INO80: variants seen among roughly 807,000 people sequenced by gnomAD.
INO80 encodes the protein INO80 complex ATPase subunit.
A neutral mutation model predicts 203.4 loss-of-function variants in INO80; 20 were observed. That is an observed-to-expected ratio of 0.10 (90% CI 0.07 to 0.14). INO80 has a LOEUF of 0.14. Ranked by LOEUF, INO80 falls within the 10% of genes least tolerant of loss-of-function variation. The pLI is 1.00. For synonymous variants in INO80, 726 were observed against 685.2 expected (o/e 1.06, Z -0.93); for missense variants, 1,419 against 1,914.4 (o/e 0.74, Z 4.83).
intron 28 of INO80, among the ~76,000 whole-genome samples, chr15:41,002,229 G>C (rs1441333917): frequency 6.6e-6 from 1 of 152,128 alleles, no homozygotes; most frequent in East Asian, 1.9e-4. Flanking sequence ...AGAGTCTGAA[G>C]GCTCAAGCAA....
chr15:41,078,264 A>G (rs2140619444), intron 9 of INO80, among the ~76,000 whole-genome samples: 1 of 152,314 alleles, frequency 6.6e-6, no homozygotes, highest in Middle Eastern at 3.4e-3. Context: ...GTAGATTAAG[A>G]AAACAGAAAG....
intron 24 of INO80, among the ~76,000 whole-genome samples, chr15:41,041,501 C>T (rs544832480): frequency 4.6e-4 from 69 of 150,470 alleles, no homozygotes; most frequent in Middle Eastern, 3.4e-3. Flanking sequence ...AGTGTAATGG[C>T]GCGATCTTGG....
At chr15:41,029,373 T>C (rs2044425512) in intron 24 of INO80, among the ~76,000 whole-genome samples, 1 of 152,240 alleles carries the variant, frequency 6.6e-6, no homozygotes, top group Non-Finnish European at 1.5e-5. Flanking sequence ...TAGTACGACA[T>C]ATGCACTGTT....
chr15:41,018,246 T>C (rs1364286979), intron 26 of INO80: 5 of 152,210 alleles, frequency 3.3e-5, no homozygotes, highest in Non-Finnish European at 7.3e-5. Flanking sequence ...TTAGCACAAA[T>C]GTTAATGCAT....
At chr15:40,994,812 T>C (rs2043860294) in intron 29 of INO80, among the ~76,000 whole-genome samples, 1 of 152,192 alleles carries the variant, frequency 6.6e-6, no homozygotes, top group Admixed American at 6.5e-5. Context: ...GCTGGGCCCT[T>C]GGTGGATGCT....
intron 9 of INO80, among the ~76,000 whole-genome samples, chr15:41,077,214 C>T (rs1398801819): frequency 1.8e-5 from 2 of 109,524 alleles, no homozygotes; most frequent in African/African-American, 1.3e-4. Flanking sequence ...GCCTTGTTTG[C>T]TTTATTTTTT....
chr15:41,031,743 T>C (rs1053592667), intron 24 of INO80, among the ~76,000 whole-genome samples: 1 of 151,790 alleles, frequency 6.6e-6, no homozygotes, highest in Admixed American at 6.6e-5. Flanking sequence ...CTCTTGAATG[T>C]CTCATTACCC....
At chr15:41,075,867 A>C (rs1354583702) in intron 9 of INO80, among the ~76,000 whole-genome samples, 2 of 152,170 alleles carry the variant, frequency 1.3e-5, no homozygotes, top group Non-Finnish European at 2.9e-5. Flanking sequence ...TGCTGGGATT[A>C]TAGGTGTGAG....
chr15:41,044,258 T>C (rs182703905), intron 24 of INO80, among the ~76,000 whole-genome samples: 17 of 152,300 alleles, frequency 1.1e-4, no homozygotes, highest in East Asian at 3.9e-4. Flanking sequence ...CAAATGTGCA[T>C]AGGGGTTTTA....
At chr15:41,059,737 A>C (rs930757978) in intron 15 of INO80, 130 bp downstream of exon 15, 3 of 565,270 alleles carry the variant, frequency 5.3e-6, no homozygotes, top group Non-Finnish European at 3.1e-6. Context: ...AGAAAAATGG[A>C]AACTTGATCA....
chr15:41,064,066 A>G (rs2045165408), intron 14 of INO80, among the ~76,000 whole-genome samples: 2 of 152,216 alleles, frequency 1.3e-5, no homozygotes, highest in Non-Finnish European at 1.5e-5. Context: ...GTTTTAATAT[A>G]CCACTCTCAG....
chr15:40,982,677 C>A (rs1289994558), intron 35 of INO80, among the ~76,000 whole-genome samples, 185 bp downstream of exon 35: 1 of 152,202 alleles, frequency 6.6e-6, no homozygotes, highest in Non-Finnish European at 1.5e-5. Context: ...CCACAGACAG[C>A]CCTGTACCGT....
At position 40,980,184 on chromosome 15, in the gene INO80, G is replaced by T; in HGVS notation, c.*39C>A. ...AGACCACTGGCAGGTCAGGACTCTAGCCCTGGTTTGGTTGAAGGAAGTCGG... is the reference window on the plus strand; with the variant it reads ...AGACCACTGGCAGGTCAGGACTCTATCCCTGGTTTGGTTGAAGGAAGTCGG... On this transcript the variant is annotated 3_prime_UTR_variant, in exon 36 of 36. Transcript: ENST00000648947. 6.5e-7 allele frequency: 1 copy of T among 1,543,746 alleles called. No homozygotes were observed. Among genetic ancestry groups the T allele is most frequent in the Non-Finnish European group, 8.9e-7 (1 of 1,117,790 alleles).
intron 34 of INO80, 37 bp downstream of exon 34, chr15:40,983,725 G>T: frequency 6.2e-7 from 1 of 1,601,764 alleles, no homozygotes; most frequent in Non-Finnish European, 8.5e-7. Context: ...GCTGGGCAGT[G>T]GACCAGGCCC....
At chr15:41,060,558 A>G (rs76425845) in intron 14 of INO80, among the ~76,000 whole-genome samples, 1 of 145,668 alleles carries the variant, frequency 6.9e-6, no homozygotes, top group African/African-American at 2.5e-5. Context: ...TTGTCTCAGG[A>G]AAAAAAAAAA....
At chr15:41,078,238 T>C (rs1239654652) in intron 9 of INO80, among the ~76,000 whole-genome samples, 1 of 152,080 alleles carries the variant, frequency 6.6e-6, no homozygotes, top group Non-Finnish European at 1.5e-5. Flanking sequence ...AACTACCATA[T>C]GATTAAATGA....
At chr15:41,022,829 T>C (rs1401335353) in intron 25 of INO80, among the ~76,000 whole-genome samples, 2 of 152,138 alleles carry the variant, frequency 1.3e-5, no homozygotes. Context: ...CGGCTGAGCA[T>C]GGTGGCTCAC....
intron 24 of INO80, among the ~76,000 whole-genome samples, chr15:41,032,073 GACAGC>G (rs1243732624): frequency 4.4e-4 from 23 of 52,444 alleles, no homozygotes; most frequent in African/African-American, 9.3e-4. Flanking sequence ...GACAGCACAG[GACAGC>G]ACAGCACAGC....
intron 23 of INO80, among the ~76,000 whole-genome samples, chr15:41,045,690 C>T (rs780875621): frequency 6.6e-6 from 1 of 151,072 alleles, no homozygotes; most frequent in Non-Finnish European, 1.5e-5. Flanking sequence ...GCCAGGAGTT[C>T]GGGAACAGCC....
Sources: allele counts gnomAD v4.1 joint callset (sites outside exome capture counted in the v4.1 genomes callset), GRCh38; gene constraint gnomAD v4.1.1; transcripts MANE v1.5; gene names NCBI Gene and HGNC (gene_info 2026-07-23, HGNC 2026-07-21).